Variants in RBFOX1 observed in about 807,000 individuals in gnomAD.
RBFOX1 encodes the protein RNA binding protein fox-1 homolog 1.
A neutral mutation model predicts 57.7 loss-of-function variants in RBFOX1; 8 were observed. That is an observed-to-expected ratio of 0.14 (90% confidence interval 0.08 to 0.25). The LOEUF (loss-of-function observed/expected upper bound fraction) is 0.25. Among genes scored for constraint, RBFOX1 ranks in the 10% least tolerant of loss-of-function variants. The pLI, the probability that RBFOX1 is intolerant of heterozygous loss-of-function variation, is 1.00. For synonymous variants in RBFOX1, 326 were observed against 222.4 expected, an observed-to-expected ratio of 1.47 and a Z score of -4.15; for missense variants, 611 against 548.5, an observed-to-expected ratio of 1.11 and a Z score of -1.14.
intron 4 of RBFOX1, among the ~76,000 whole-genome samples, chr16:5,984,365 A>G (rs1469051877): frequency 4.6e-5 from 7 of 151,494 alleles, no homozygotes; most frequent in African/African-American, 1.2e-4. Flanking sequence ...CGACTTTTCT[A>G]AAGCAATGAA....
intron 4 of RBFOX1, among the ~76,000 whole-genome samples, chr16:7,500,376 G>T (rs539914514): frequency 1.3e-5 from 2 of 152,312 alleles, no homozygotes; most frequent in Admixed American, 1.3e-4. Flanking sequence ...TGTAAGTCCA[G>T]TGAGGTTGTA....
At chr16:5,401,446 T>A (rs1426006964) in intron 1 of RBFOX1, among the ~76,000 whole-genome samples, 2 of 152,190 alleles carry the variant, frequency 1.3e-5, no homozygotes, top group Non-Finnish European at 2.9e-5. Flanking sequence ...ATGCCATTAA[T>A]GTGCTGGAAC....
intron 14 of RBFOX1, among the ~76,000 whole-genome samples, chr16:7,694,429 C>T (rs566995731): frequency 6.6e-6 from 1 of 152,356 alleles, no homozygotes; most frequent in South Asian, 2.1e-4. Flanking sequence ...ATGCACCCAA[C>T]TATCTCTGTT....
At chr16:7,550,281 C>A (rs1424440382) in intron 5 of RBFOX1, among the ~76,000 whole-genome samples, 2 of 151,506 alleles carry the variant, frequency 1.3e-5, no homozygotes, top group African/African-American at 4.9e-5. Flanking sequence ...CTGGGAAATA[C>A]CCTTGAGTTC....
Position 5,430,679 on chromosome 16 carries a change from T to A in RBFOX1, c.220-36537T>A, listed in dbSNP as rs1352169742. Among the ~76,000 whole-genome samples the A allele has an allele frequency of 9.2e-5, 14 of 152,332 alleles. No homozygotes were observed. In the East Asian group the frequency reaches 2.5e-3, roughly 27 times the overall value. ...CCAGCTCAGGGCCTGGTCAAGGTAT[T>A]TTTAGGTGTAAGCAGTATTATGTAT... On this transcript the variant is annotated intron_variant, in intron 1 of 2. Transcript: ENST00000585867.
intron 3 of RBFOX1, among the ~76,000 whole-genome samples, chr16:6,745,520 C>T (rs183874514): frequency 3.6e-4 from 55 of 152,260 alleles, no homozygotes; most frequent in African/African-American, 1.3e-3. Flanking sequence ...TTATGAAATA[C>T]ACCATATTAA....
At chr16:7,360,318 A>G (rs770563244) in intron 4 of RBFOX1, among the ~76,000 whole-genome samples, 1 of 152,226 alleles carries the variant, frequency 6.6e-6, no homozygotes, top group Non-Finnish European at 1.5e-5. Context: ...ACTGTGGTCA[A>G]CTGAAAACAG....
chr16:6,941,504 C>T (rs753152354), intron 3 of RBFOX1, among the ~76,000 whole-genome samples: 10 of 151,868 alleles, frequency 6.6e-5, no homozygotes, highest in Non-Finnish European at 1.2e-4. Context: ...TCTTTCTTCC[C>T]AGTAAGGGGA....
At chr16:6,658,407 C>T (rs145238178) in intron 3 of RBFOX1, among the ~76,000 whole-genome samples, 257 of 152,050 alleles carry the variant, frequency 1.7e-3, no homozygotes, top group African/African-American at 5.8e-3. Context: ...TGGGGTTTTA[C>T]CATGTTGGCC....
intron 3 of RBFOX1, among the ~76,000 whole-genome samples, chr16:6,801,947 A>T (rs942480579): frequency 6.6e-6 from 1 of 152,128 alleles, no homozygotes; most frequent in Non-Finnish European, 1.5e-5. Context: ...AATTTAATCT[A>T]AATGGGTCTA....
intron 4 of RBFOX1, among the ~76,000 whole-genome samples, chr16:7,513,809 A>T (rs1356290506): frequency 6.6e-6 from 1 of 152,166 alleles, no homozygotes. Flanking sequence ...TCTGCTCATA[A>T]GCCCACTTAT....
intron 3 of RBFOX1, among the ~76,000 whole-genome samples, chr16:6,927,421 A>AAAAAG: frequency 6.7e-6 from 1 of 149,644 alleles, no homozygotes; most frequent in East Asian, 2.0e-4. Context: ...TCACAAAAAA[A>AAAAAG]AAAAAAAAAA....
chr16:6,811,760 A>C (rs2088660926), intron 3 of RBFOX1, among the ~76,000 whole-genome samples: 1 of 152,130 alleles, frequency 6.6e-6, no homozygotes, highest in Non-Finnish European at 1.5e-5. Flanking sequence ...GTGGTAGTGC[A>C]CGCCTGTAAT....
chr16:6,135,307 G>A (rs952381610), intron 1 of RBFOX1, among the ~76,000 whole-genome samples: 1 of 152,204 alleles, frequency 6.6e-6, no homozygotes, highest in Non-Finnish European at 1.5e-5. Flanking sequence ...CTATTGGAAA[G>A]CATTGGCTGT....
chr16:5,620,800 G>T (rs1215197983), intron 3 of RBFOX1, among the ~76,000 whole-genome samples: 3 of 152,052 alleles, frequency 2.0e-5, no homozygotes. Flanking sequence ...CACCTCAGCT[G>T]CTTGAGTAGC....
At chr16:6,866,495 G>T (rs2059928941) in intron 3 of RBFOX1, among the ~76,000 whole-genome samples, 2 of 142,674 alleles carry the variant, frequency 1.4e-5, no homozygotes, top group Middle Eastern at 7.8e-3. Flanking sequence ...TTTCACAAAG[G>T]ACTTTTTTTA....
intron 4 of RBFOX1, among the ~76,000 whole-genome samples, chr16:7,115,264 G>T: frequency 6.6e-6 from 1 of 151,994 alleles, no homozygotes; most frequent in South Asian, 2.1e-4. Flanking sequence ...GGTGGCCTCC[G>T]GTCACTCATG....
intron 1 of RBFOX1, among the ~76,000 whole-genome samples, chr16:6,193,302 G>C (rs952538367): frequency 6.1e-5 from 9 of 146,598 alleles, no homozygotes; most frequent in African/African-American, 2.3e-4. Flanking sequence ...CTCTTCGTGG[G>C]AGTTAAGAAA....
intron 4 of RBFOX1, among the ~76,000 whole-genome samples, chr16:5,954,927 C>T (rs140403046): frequency 6.6e-6 from 1 of 151,654 alleles, no homozygotes; most frequent in African/African-American, 2.4e-5. Flanking sequence ...CAGCACCATT[C>T]AGTTCCTGGG....
Sources: allele counts gnomAD v4.1 joint callset (sites outside exome capture counted in the v4.1 genomes callset), GRCh38; gene constraint gnomAD v4.1.1; transcripts MANE v1.5; gene names NCBI Gene and HGNC (gene_info 2026-07-23, HGNC 2026-07-21).